Variants in ADCY8 observed in about 807,000 individuals in gnomAD.
ADCY8 encodes adenylate cyclase type 8.
ADCY8 carries 51 observed loss-of-function variants against 119.7 expected under a neutral mutation model. The ratio of observed to expected loss-of-function variants is 0.43; its 90% CI spans 0.34 to 0.54. ADCY8 has a LOEUF of 0.54. ADCY8 is among the 20% of genes least tolerant of loss of function. ADCY8 has a pLI of 0.03. For missense variants in ADCY8, 1,383 were observed against 1,598.8 expected, an observed-to-expected ratio of 0.87 and a Z score of 2.30; for synonymous variants, 665 against 651.0, an observed-to-expected ratio of 1.02 and a Z score of -0.33.
chr8:130,877,399 A>G (rs1401201232), intron 8 of ADCY8, among the ~76,000 whole-genome samples: 1 of 152,170 alleles, frequency 6.6e-6, no homozygotes, highest in Non-Finnish European at 1.5e-5. Context: ...AACCAAGCAT[A>G]CTGAATGCTC....
intron 8 of ADCY8, among the ~76,000 whole-genome samples, chr8:130,872,477 T>C (rs1212300049): frequency 6.6e-6 from 1 of 152,180 alleles, no homozygotes; most frequent in African/African-American, 2.4e-5. Flanking sequence ...AGGTGCATGA[T>C]CAGATTTCTT....
chr8:130,959,378 C>T (rs757535531), intron 2 of ADCY8, among the ~76,000 whole-genome samples: 8 of 152,076 alleles, frequency 5.3e-5, no homozygotes, highest in Non-Finnish European at 1.2e-4. Flanking sequence ...TTCATTTAAT[C>T]TTCCTCATTA....
intron 11 of ADCY8, among the ~76,000 whole-genome samples, chr8:130,840,724 G>C (rs1817113195): frequency 6.6e-6 from 1 of 152,046 alleles, no homozygotes; most frequent in Non-Finnish European, 1.5e-5. Context: ...GTGTTTTGGG[G>C]TAAATCCCTG....
intron 9 of ADCY8, among the ~76,000 whole-genome samples, chr8:130,860,546 C>A (rs1817892190): frequency 6.6e-6 from 1 of 151,990 alleles, no homozygotes; most frequent in Admixed American, 6.5e-5. Flanking sequence ...GGTATATAAA[C>A]CATTTTGTGT....
chr8:130,816,260 A>G (rs939560627), intron 13 of ADCY8, among the ~76,000 whole-genome samples: 5 of 152,148 alleles, frequency 3.3e-5, no homozygotes, highest in Non-Finnish European at 7.3e-5. Flanking sequence ...ATATCATTGA[A>G]CATGATGCAG....
intron 7 of ADCY8, chr8:130,891,968 A>C (rs1365867961): frequency 1.3e-5 from 2 of 152,140 alleles, no homozygotes; most frequent in African/African-American, 4.8e-5. Flanking sequence ...AATCATGCTT[A>C]CTTTTCCTTT....
chr8:130,833,629 C>A (rs2130251469), intron 12 of ADCY8, among the ~76,000 whole-genome samples: 1 of 152,240 alleles, frequency 6.6e-6, no homozygotes, highest in African/African-American at 2.4e-5. Flanking sequence ...TCTGGGACTT[C>A]CCAGCCTCCA....
chr8:130,802,025 T>C (rs1029339703), intron 14 of ADCY8, among the ~76,000 whole-genome samples: 5 of 149,958 alleles, frequency 3.3e-5, no homozygotes, highest in Admixed American at 6.7e-5. Flanking sequence ...TCAATACCCA[T>C]GTGCTGACGG....
chr8:130,841,124 G>C (rs1260225152), intron 11 of ADCY8, among the ~76,000 whole-genome samples: 1 of 152,124 alleles, frequency 6.6e-6, no homozygotes, highest in Non-Finnish European at 1.5e-5. Flanking sequence ...AGCTGGGTTG[G>C]GGATGTCTGT....
chr8:130,990,248 A>T, intron 2 of ADCY8, 145 bp downstream of exon 2: 2 of 1,057,418 alleles, frequency 1.9e-6, no homozygotes, highest in Non-Finnish European at 2.7e-6. Context: ...GTCTAACACA[A>T]CTATTTCAGA....
chr8:130,985,421 A>G (rs141539274), intron 2 of ADCY8, among the ~76,000 whole-genome samples: 47 of 152,356 alleles, frequency 3.1e-4, no homozygotes, highest in African/African-American at 1.1e-3. Flanking sequence ...ATATTTCAGT[A>G]TAAACTAAAG....
chr8:130,937,125 C>A lies in ADCY8; in HGVS notation c.1429G>T (p.Asp477Tyr). The A allele has an allele frequency of 6.2e-7, 1 of 1,613,844 alleles. No homozygotes were observed. The highest frequency in any genetic ancestry group is 8.5e-7 in the Non-Finnish European group (1 of 1,179,864). ...CVSGLPEPRQ[D>Y]HAHCCVEMGL... ...ATTTCAACACAGCAGTGGGCATGGT[C>A]CTGGCGGGGCTCAGGAAGTCCAGAC... Residue 477 changes from aspartate (D) to tyrosine (Y), a missense_variant, in exon 5 of 18, where the codon GAC becomes TAC. By Grantham distance (160) the Asp-to-Tyr change is radical. This residue lies in a region of ADCY8 where 928 missense variants were observed against 1,163.5 expected (regional missense o/e 0.80). Coordinates refer to ENST00000286355, the MANE Select transcript of ADCY8 (RefSeq NM_001115.3).
intron 17 of ADCY8, 104 bp from the exon 18 acceptor site, chr8:130,780,981 G>A: frequency 1.4e-6 from 2 of 1,451,932 alleles, no homozygotes; most frequent in South Asian, 1.3e-5. Flanking sequence ...GGGTCTCTGT[G>A]GATGAACGGG....
intron 3 of ADCY8, among the ~76,000 whole-genome samples, chr8:130,944,277 G>T (rs1329838803): frequency 6.6e-6 from 1 of 152,158 alleles, no homozygotes; most frequent in East Asian, 1.9e-4. Flanking sequence ...ATTGCACTGA[G>T]GGATATTGCT....
chr8:130,939,743 C>G (rs528466783), intron 4 of ADCY8, among the ~76,000 whole-genome samples: 1 of 152,318 alleles, frequency 6.6e-6, no homozygotes, highest in South Asian at 2.1e-4. Flanking sequence ...ACAGAGTAAG[C>G]TTGGCCATTA....
At chr8:130,862,272 A>G (rs1817957471) in intron 9 of ADCY8, among the ~76,000 whole-genome samples, 1 of 152,162 alleles carries the variant, frequency 6.6e-6, no homozygotes, top group Non-Finnish European at 1.5e-5. Flanking sequence ...TTCCCAAGGT[A>G]GAAGCTTAGA....
At chr8:130,792,458 A>G (rs1236298521) in intron 15 of ADCY8, among the ~76,000 whole-genome samples, 1 of 152,166 alleles carries the variant, frequency 6.6e-6, no homozygotes, top group Non-Finnish European at 1.5e-5. Flanking sequence ...AATTGCTTAC[A>G]TGATGTCTTC....
chr8:130,908,812 G>C (rs2130546891), intron 6 of ADCY8, among the ~76,000 whole-genome samples: 1 of 152,272 alleles, frequency 6.6e-6, no homozygotes, highest in South Asian at 2.1e-4. Context: ...AGTTTAGCAA[G>C]GGGCAGAGTG....
At chr8:130,808,263 T>C (rs530896749) in intron 14 of ADCY8, among the ~76,000 whole-genome samples, 39 of 152,210 alleles carry the variant, frequency 2.6e-4, no homozygotes, top group African/African-American at 8.4e-4. Context: ...GTATTTAGAA[T>C]AGCACCTGGC....
Sources: allele counts gnomAD v4.1 joint callset (sites outside exome capture counted in the v4.1 genomes callset), GRCh38; gene constraint gnomAD v4.1.1; regional missense constraint gnomAD v4.1.1; transcripts MANE v1.5; gene names NCBI Gene and HGNC (gene_info 2026-07-23, HGNC 2026-07-21).